The following LRRC63 variants were observed in gnomAD, a reference collection of about 807,000 sequenced individuals.
LRRC63 encodes the protein leucine rich repeat containing 63, also known as leucine-rich repeat-containing protein 63.
In LRRC63, 40 loss-of-function variants were observed where a neutral mutation model predicts 49.5. The ratio of observed to expected loss-of-function variants is 0.81; its 90% CI spans 0.63 to 1.05. LRRC63 has a LOEUF of 1.05. Ranked by LOEUF, LRRC63 falls within the 50% of genes least tolerant of loss-of-function variation. The pLI is 0.00. For missense variants in LRRC63, 636 were observed against 663.1 expected (o/e 0.96, Z 0.45); for synonymous variants, 191 against 221.1 (o/e 0.86, Z 1.21).
chr13:46,274,403 G>A (rs1049409843), intron 9 of LRRC63, among the ~76,000 whole-genome samples: 2 of 152,096 alleles, frequency 1.3e-5, no homozygotes, highest in East Asian at 3.9e-4. Flanking sequence ...TGAAAATTTC[G>A]GTACTGTCCT....
chr13:46,234,479 A>T, intron 5 of LRRC63, 130 bp downstream of exon 5: 1 of 856,064 alleles, frequency 1.2e-6, no homozygotes, highest in Non-Finnish European at 1.7e-6. Context: ...TTTCTTAGGA[A>T]CACATTCAAA....
intron 9 of LRRC63, among the ~76,000 whole-genome samples, chr13:46,272,961 G>A (rs912683014): frequency 4.9e-4 from 74 of 152,194 alleles, no homozygotes; most frequent in African/African-American, 1.6e-3. Context: ...TTATTCTAGG[G>A]AGAGGAGTTC....
chr13:46,227,640 A>T, exon 3 of LRRC63: 1 of 1,550,282 alleles, frequency 6.5e-7, no homozygotes, highest in Non-Finnish European at 8.7e-7. Flanking sequence ...CAATATCCAA[A>T]ATATCTTTCT....
intron 9 of LRRC63, among the ~76,000 whole-genome samples, chr13:46,275,870 C>T (rs573536770): frequency 7.2e-5 from 11 of 152,176 alleles, no homozygotes; most frequent in Middle Eastern, 3.4e-3. Flanking sequence ...AAAATCTTTG[C>T]CTAGGTCAAT....
chr13:46,234,456 A>T, intron 5 of LRRC63, 107 bp downstream of exon 5: 1 of 1,042,458 alleles, frequency 9.6e-7, no homozygotes, highest in Non-Finnish European at 1.3e-6. Context: ...GAATTTTCCT[A>T]TTACAATAGA....
intron 5 of LRRC63, among the ~76,000 whole-genome samples, chr13:46,242,818 C>T (rs1265667562): frequency 6.6e-6 from 1 of 150,974 alleles, no homozygotes; most frequent in Non-Finnish European, 1.5e-5. Flanking sequence ...TAAAGTGTCT[C>T]TTCAAACACA....
intron 9 of LRRC63, among the ~76,000 whole-genome samples, chr13:46,270,936 A>G (rs981499302): frequency 1.2e-4 from 18 of 152,250 alleles, no homozygotes; most frequent in Non-Finnish European, 2.1e-4. Flanking sequence ...GAAAATTTAG[A>G]AAGTATAGAA....
intron 2 of LRRC63, among the ~76,000 whole-genome samples, chr13:46,217,885 AG>A (rs1162865767): frequency 2.0e-5 from 3 of 152,174 alleles, no homozygotes; most frequent in African/African-American, 7.2e-5. Flanking sequence ...ATTCAGTGGC[AG>A]GTTGTTCAGT....
intron 9 of LRRC63, among the ~76,000 whole-genome samples, chr13:46,271,894 T>C (rs2047764570): frequency 6.6e-6 from 1 of 151,968 alleles, no homozygotes; most frequent in African/African-American, 2.4e-5. Context: ...CAGAAAAAAG[T>C]TTATAAATTA....
chr13:46,234,624 A>G (rs2138439856), intron 5 of LRRC63, among the ~76,000 whole-genome samples: 1 of 152,310 alleles, frequency 6.6e-6, no homozygotes, highest in South Asian at 2.1e-4. Context: ...TTAAGTTATT[A>G]GCAATCTTTG....
At chr13:46,272,645 A>G (rs1197551444) in intron 9 of LRRC63, among the ~76,000 whole-genome samples, 2 of 152,332 alleles carry the variant, frequency 1.3e-5, no homozygotes, top group Admixed American at 6.5e-5. Flanking sequence ...AGTTACATGT[A>G]AACACAAAGT....
chr13:46,232,571 T>A (rs1414544738), intron 4 of LRRC63, among the ~76,000 whole-genome samples: 1 of 152,152 alleles, frequency 6.6e-6, no homozygotes, highest in Non-Finnish European at 1.5e-5. Context: ...AGCCAAGCCC[T>A]AACAAAGCTC....
intron 5 of LRRC63, among the ~76,000 whole-genome samples, chr13:46,246,142 C>T (rs191703136): frequency 1.3e-5 from 2 of 152,136 alleles, no homozygotes; most frequent in East Asian, 3.9e-4. Flanking sequence ...AAGACCGCTT[C>T]CCCCTTCACC....
At chr13:46,271,559 G>A (rs2138594243) in intron 9 of LRRC63, among the ~76,000 whole-genome samples, 1 of 152,182 alleles carries the variant, frequency 6.6e-6, no homozygotes, top group South Asian at 2.1e-4. Context: ...AGCTTTCCTA[G>A]GAAATGTATT....
chr13:46,251,535 A>G (rs1222647520), intron 7 of LRRC63, among the ~76,000 whole-genome samples: 1 of 151,806 alleles, frequency 6.6e-6, no homozygotes, highest in Non-Finnish European at 1.5e-5. Flanking sequence ...GTTTCCTTTT[A>G]TTAGAAAATA....
chr13:46,234,315 G>C, exon 5 of LRRC63: 1 of 1,550,216 alleles, frequency 6.5e-7, no homozygotes, highest in Non-Finnish European at 8.7e-7. Context: ...ATAGTAAACT[G>C]TCAAGTATAT....
chr13:46,228,208 C>A lies in LRRC63; in HGVS notation c.763+19C>A. 1 of 1,500,846 alleles carries A rather than the reference C, an allele frequency of 6.7e-7. No homozygotes were observed. The highest frequency in any genetic ancestry group is 9.0e-7 in the Non-Finnish European group (1 of 1,116,286). 93.0% of individuals were successfully genotyped at this position (1,500,846 alleles called of 1,614,324 possible). ...GTGATAGGTAAATACAATCTGAACA[C>A]GGTATAATTATAGAGTCAAGTAGAG... On this transcript the variant is annotated intron_variant, in intron 3 of 9. Transcript: ENST00000595396.
intron 7 of LRRC63, among the ~76,000 whole-genome samples, chr13:46,252,761 C>G (rs1267627867): frequency 6.6e-6 from 1 of 151,896 alleles, no homozygotes; most frequent in Non-Finnish European, 1.5e-5. Flanking sequence ...TGAAAAGTTA[C>G]AACGTATATG....
Position 46,257,611 on chromosome 13 carries a change from G to T in LRRC63, c.1227-4298G>T, listed in dbSNP as rs571524150. On this transcript the variant is annotated intron_variant, in intron 7 of 9. Transcript: ENST00000595396. Reference sequence around the variant, plus strand: ...AGGGAGTGAGAGTGTGATTTTAAGTGGGATAGCTAAGGTAGGCCTTATTGA... The same window carrying T: ...AGGGAGTGAGAGTGTGATTTTAAGTTGGATAGCTAAGGTAGGCCTTATTGA... 7.9e-5 allele frequency among the ~76,000 whole-genome samples: 12 copies of T among 152,290 alleles called. No individual in the cohort carries two copies. In the East Asian group the frequency reaches 2.3e-3, roughly 29 times the overall value.
Sources: allele counts gnomAD v4.1 joint callset (sites outside exome capture counted in the v4.1 genomes callset), GRCh38; gene constraint gnomAD v4.1.1; transcripts MANE v1.5; gene names NCBI Gene and HGNC (gene_info 2026-07-23, HGNC 2026-07-21).